Variants in TIAM2 observed in about 807,000 individuals in gnomAD.
The protein encoded by TIAM2 is rho guanine nucleotide exchange factor TIAM2.
Under a neutral mutation model 152.9 loss-of-function variants are expected in TIAM2, and 80 were observed. The ratio of observed to expected loss-of-function variants is 0.52; its 90% CI spans 0.44 to 0.63. The LOEUF (loss-of-function observed/expected upper bound fraction) is 0.63. Ranked by LOEUF, TIAM2 falls within the 30% of genes least tolerant of loss-of-function variation. The pLI, the probability that TIAM2 is intolerant of heterozygous loss-of-function variation, is 0.00. For synonymous variants in TIAM2, 804 were observed against 838.0 expected (o/e 0.96, Z 0.70); for missense variants, 1,965 against 2,120.1 (o/e 0.93, Z 1.44).
At chr6:155,175,390 A>G (rs921360535) in intron 9 of TIAM2, among the ~76,000 whole-genome samples, 1 of 152,238 alleles carries the variant, frequency 6.6e-6, no homozygotes, top group African/African-American at 2.4e-5. Context: ...CATGGAATTC[A>G]AAGTAAAATC....
intron 4 of TIAM2, among the ~76,000 whole-genome samples, chr6:155,136,311 G>A (rs928825922): frequency 6.6e-6 from 1 of 151,548 alleles, no homozygotes; most frequent in Non-Finnish European, 1.5e-5. Context: ...TTTCGCTCTT[G>A]TTGCCCAGGC....
chr6:155,179,169 G>C, intron 11 of TIAM2, 26 bp downstream of exon 11: 1 of 1,586,028 alleles, frequency 6.3e-7, no homozygotes. Context: ...CTTTAGGAAG[G>C]GAAACTGAAC....
intron 9 of TIAM2, among the ~76,000 whole-genome samples, chr6:155,175,198 T>C (rs1166076899): frequency 6.6e-6 from 1 of 152,212 alleles, no homozygotes; most frequent in African/African-American, 2.4e-5. Context: ...AAAAATGTAC[T>C]GAAAGCGACA....
At chr6:155,210,043 T>C (rs1432592515) in intron 14 of TIAM2, among the ~76,000 whole-genome samples, 1 of 152,212 alleles carries the variant, frequency 6.6e-6, no homozygotes, top group Admixed American at 6.5e-5. Context: ...CCATCTGGTT[T>C]CACCTAGTTG....
At chr6:155,049,148 C>A (rs1246261050) in intron 1 of TIAM2, among the ~76,000 whole-genome samples, 3 of 152,098 alleles carry the variant, frequency 2.0e-5, no homozygotes, top group Non-Finnish European at 4.4e-5. Context: ...AAACACAAAA[C>A]CAGAGGCTGT....
In TIAM2 at chr6:155,249,964, A is replaced by G. The variant is rs773724333; in HGVS notation, c.3946A>G (p.Lys1316Glu). 13 of 1,612,230 alleles carry G rather than the reference A, an allele frequency of 8.1e-6. No individual in the cohort carries two copies. Among genetic ancestry groups the G allele is most frequent in the African/African-American group, 1.3e-5 (1 of 74,994 alleles). ...AGTAGCTGAGCAGAGCGGAACAGAG[A>G]AGGAGGTCCGTGAGACATCTGCACC... ...QLVAEQSGTEKEVTELSMGEL... is the reference protein window; with the variant it reads ...QLVAEQSGTEEEVTELSMGEL... The change falls in exon 21 of 27, where the codon AAG (lysine) becomes GAG (glutamate). Residue 1316 changes from lysine to glutamate, a missense_variant. Physicochemically the swap from Lys to Glu is moderately conservative, Grantham distance 56. Around this residue, in one of 3 missense-constraint regions of TIAM2, gnomAD observed 935 missense variants for 980.0 expected, o/e 0.95. Transcript: ENST00000682666.
intron 15 of TIAM2, chr6:155,232,538 A>G (rs1158063193): frequency 6.6e-6 from 1 of 152,160 alleles, no homozygotes; most frequent in African/African-American, 2.4e-5. Flanking sequence ...CTAGCATTCT[A>G]TTTCGGTGCA....
intron 14 of TIAM2, among the ~76,000 whole-genome samples, chr6:155,193,599 G>GA (rs1231160000): frequency 2.0e-5 from 3 of 152,130 alleles, no homozygotes; most frequent in African/African-American, 7.2e-5. Flanking sequence ...TGTGGTTCTT[G>GA]AAAAAAGACA....
At position 155,051,190 on chromosome 6, in the gene TIAM2, G is replaced by A. The variant is rs569490071; in HGVS notation, c.-208-39099G>A. Among the ~76,000 whole-genome samples the A allele has an allele frequency of 2.0e-5, 3 of 152,214 alleles. No individual in the cohort carries two copies. In the South Asian group the frequency reaches 6.2e-4, roughly 32 times the overall value. ...GTAGGTGGAAAGCAAACATGGAAAC[G>A]GAAGCACTTGGTCTCCAGTGGAGAA... On this transcript the variant is annotated intron_variant, in intron 1 of 26. Transcript: ENST00000682666.
intron 2 of TIAM2, among the ~76,000 whole-genome samples, chr6:155,099,220 ATGTGTGTGTGTGTGTGTGTGTGTGTG>A (rs34269926): frequency 1.5e-4 from 22 of 148,186 alleles, no homozygotes; most frequent in African/African-American, 4.8e-4. Context: ...GTATATATAT[ATGTGTGTGTGTGTGTGTGTGTGTGTG>A]TGTGTGTGTG....
At chr6:154,996,961 C>T (rs1562508361) in intron 1 of TIAM2, among the ~76,000 whole-genome samples, 1 of 151,948 alleles carries the variant, frequency 6.6e-6, no homozygotes, top group Non-Finnish European at 1.5e-5. Context: ...GCAAAACACG[C>T]CCCTAATGAC....
At position 155,255,452 on chromosome 6, in the gene TIAM2, C is replaced by T. The variant is rs530662648; in HGVS notation, c.4468+879C>T. The T allele has an allele frequency of 4.6e-5, 7 of 152,220 alleles. No homozygotes were observed. The East Asian group carries it at 1.3e-3, about 29-fold the overall frequency. The allele number at this position is 152,220 out of a possible 1,614,324, so 9.4% of individuals were successfully genotyped here. On this transcript the variant is annotated intron_variant, in intron 26 of 26. Coordinates refer to ENST00000682666, the MANE Select transcript of TIAM2 (RefSeq NM_012454.4). ...TTTAGGCTTAGAAAATGTAAAACTT[C>T]GCTTTTTCATGTCAAATCAGTGTGA...
At chr6:155,014,841 ATTC>A (rs1008884311) in intron 1 of TIAM2, among the ~76,000 whole-genome samples, 1 of 152,170 alleles carries the variant, frequency 6.6e-6, no homozygotes, top group African/African-American at 2.4e-5. Context: ...TTCTTTGCAA[ATTC>A]TTCTCCTATG....
At chr6:155,104,899 A>T (rs1049279480) in intron 2 of TIAM2, among the ~76,000 whole-genome samples, 1 of 152,218 alleles carries the variant, frequency 6.6e-6, no homozygotes, top group Non-Finnish European at 1.5e-5. Context: ...TTAAAGGCTT[A>T]TCTGTCTATG....
intron 1 of TIAM2, among the ~76,000 whole-genome samples, chr6:155,005,749 G>A (rs12191437): frequency 0.14 from 21,099 of 150,112 alleles, 1,477 homozygotes; most frequent in Middle Eastern, 0.19. Context: ...TCTGCCTCCC[G>A]AGTTCAAGTG....
In TIAM2 at chr6:155,126,680, G is replaced by A. The variant is rs138773496; in HGVS notation, c.-117-810G>A. Among the ~76,000 whole-genome samples, 476 of 152,218 alleles carry A rather than the reference G, an allele frequency of 3.1e-3. 3 individuals carry two copies. Among genetic ancestry groups the A allele is most frequent in the East Asian group, 0.017 (90 of 5,184 alleles). On this transcript the variant is annotated intron_variant, in intron 2 of 26. Transcript: ENST00000682666. ...CAGGAGGCGGAGGTTGCAGTGAGCC[G>A]AGATTGTGCCACTGCACTCCCGCCT...
At chr6:155,223,527 C>CGTTTT (rs1554243537) in intron 15 of TIAM2, among the ~76,000 whole-genome samples, 1 of 130,872 alleles carries the variant, frequency 7.6e-6, no homozygotes, top group Non-Finnish European at 1.6e-5. Context: ...ATTTTTTTTT[C>CGTTTT]TTTTTTTTTT....
At chr6:155,004,915 T>C (rs12196510) in intron 1 of TIAM2, 24,637 of 170,432 alleles carry the variant, frequency 0.14, 1,839 homozygotes, top group Middle Eastern at 0.2. Flanking sequence ...GGGCACACAG[T>C]CTGGAGCATC....
At chr6:155,075,449 A>G (rs1019290478) in intron 1 of TIAM2, among the ~76,000 whole-genome samples, 2 of 152,054 alleles carry the variant, frequency 1.3e-5, no homozygotes, top group Non-Finnish European at 2.9e-5. Context: ...ACTCTACCAT[A>G]GCTTTCCTCC....
Sources: allele counts gnomAD v4.1 joint callset (sites outside exome capture counted in the v4.1 genomes callset), GRCh38; gene constraint gnomAD v4.1.1; regional missense constraint gnomAD v4.1.1; transcripts MANE v1.5; gene names NCBI Gene and HGNC (gene_info 2026-07-23, HGNC 2026-07-21).